LRRCC1: variants seen among roughly 807,000 people sequenced by gnomAD.
LRRCC1 encodes leucine-rich repeat and coiled-coil domain-containing protein 1.
LRRCC1 carries 115 observed loss-of-function variants against 126.0 expected under a neutral mutation model. The ratio of observed to expected loss-of-function variants is 0.91; its 90% confidence interval spans 0.78 to 1.07. The LOEUF is 1.07. Ranked by LOEUF, LRRCC1 falls within the 50% of genes least tolerant of loss-of-function variation. The pLI is 0.00. For missense variants in LRRCC1, 1,172 were observed against 1,175.7 expected, an observed-to-expected ratio of 1.00 and a Z score of 0.05; for synonymous variants, 400 against 393.4, an observed-to-expected ratio of 1.02 and a Z score of -0.20.
rs138875832 is a variant in LRRCC1 at position 85,120,981 on chromosome 8, T to G, written c.931-2432T>G. On this transcript the variant is annotated intron_variant, in intron 6 of 18. Coordinates refer to ENST00000360375, the MANE Select transcript of LRRCC1 (RefSeq NM_033402.5). ...GCTATATCCCCAGAAGTAGAATTGC[T>G]GGGTCATATGTTTAACCTTTGGAGC... Among the ~76,000 whole-genome samples the G allele has an allele frequency of 5.2e-3, 785 of 152,338 alleles. 9 individuals carry two copies. The highest frequency in any genetic ancestry group is 0.018 in the African/African-American group (743 of 41,582).
chr8:85,137,284 CA>C (rs1317814403), intron 14 of LRRCC1, among the ~76,000 whole-genome samples, 179 bp from the exon 15 acceptor site: 2 of 152,106 alleles, frequency 1.3e-5, no homozygotes, highest in East Asian at 3.8e-4. Context: ...TTGAAATAAC[CA>C]CAAGTGTTTA....
chr8:85,109,420 T>G (rs1808516667), intron 1 of LRRCC1, 175 bp from the exon 2 acceptor site: 1 of 571,382 alleles, frequency 1.8e-6, no homozygotes, highest in South Asian at 2.5e-5. Flanking sequence ...AATACTTGGT[T>G]GTGTTGTAAG....
chr8:85,134,445 G>C (rs1810713408), intron 12 of LRRCC1, among the ~76,000 whole-genome samples: 1 of 152,112 alleles, frequency 6.6e-6, no homozygotes, highest in Non-Finnish European at 1.5e-5. Context: ...AGCCTCCCAA[G>C]TAGCTGGGAT....
At chr8:85,113,809 G>A (rs912292433) in intron 4 of LRRCC1, among the ~76,000 whole-genome samples, 1 of 151,958 alleles carries the variant, frequency 6.6e-6, no homozygotes, top group Non-Finnish European at 1.5e-5. Context: ...TGCTATTTGA[G>A]CTAATTGGGA....
intron 6 of LRRCC1, among the ~76,000 whole-genome samples, chr8:85,116,928 G>C (rs1052320971): frequency 1.2e-4 from 18 of 152,176 alleles, no homozygotes; most frequent in African/African-American, 4.1e-4. Context: ...AGTAATAGAA[G>C]TGAGACAAGA....
In LRRCC1 at chr8:85,107,246, G is replaced by C. The variant is rs749284029; in HGVS notation, c.-50G>C. On this transcript the variant is annotated 5_prime_UTR_variant, in exon 1 of 19. Transcript: ENST00000360375. ...TCCGGGAGGCTTGTCCCAAGCTCAC[G>C]GACCCCTCGCTGGGTGCCGGTTAAG... 3.9e-6 allele frequency: 6 copies of C among 1,551,296 alleles called. No individual in the cohort carries two copies. The highest frequency in any genetic ancestry group is 2.3e-5 in the East Asian group (1 of 43,462).
chr8:85,113,533 C>T (rs1203303044), intron 4 of LRRCC1, among the ~76,000 whole-genome samples: 1 of 152,002 alleles, frequency 6.6e-6, no homozygotes, highest in Non-Finnish European at 1.5e-5. Flanking sequence ...CATACACAAA[C>T]ATTTACGTAC....
chr8:85,124,220 T>A (rs1809786031), intron 7 of LRRCC1, among the ~76,000 whole-genome samples: 4 of 152,224 alleles, frequency 2.6e-5, no homozygotes, highest in Admixed American at 2.6e-4. Context: ...AACTTTTGCC[T>A]CTGTAATTCT....
Position 85,135,907 on chromosome 8 carries a change from T to G in LRRCC1, c.2273T>G (p.Leu758Arg). ...TCTGAGCTAGCAGCCAAGGAATCACTAATATTTGGTTTAAGGACAGAAAGA... is the reference window on the plus strand; with the variant it reads ...TCTGAGCTAGCAGCCAAGGAATCACGAATATTTGGTTTAAGGACAGAAAGA... ...LISELAAKESLIFGLRTERKV... is the reference protein window; with the variant it reads ...LISELAAKESRIFGLRTERKV... The change falls in exon 14 of 19, where the codon CTA becomes CGA. Residue 758 changes from leucine (L) to arginine (R), a missense_variant. Leu to Arg is a moderately radical substitution (Grantham distance 102). Coordinates refer to ENST00000360375, the MANE Select transcript of LRRCC1 (RefSeq NM_033402.5). 5 of 1,607,354 alleles carry G rather than the reference T, an allele frequency of 3.1e-6. No individual in the cohort carries two copies. The highest frequency in any genetic ancestry group is 4.3e-6 in the Non-Finnish European group (5 of 1,176,428).
chr8:85,141,082 A>T (rs757828748), intron 17 of LRRCC1, among the ~76,000 whole-genome samples: 2 of 152,082 alleles, frequency 1.3e-5, no homozygotes, highest in Non-Finnish European at 2.9e-5. Context: ...AAAATAAAAA[A>T]CTATACTCCT....
intron 4 of LRRCC1, 45 bp from the exon 5 acceptor site, chr8:85,115,054 CT>C (rs768650424): frequency 2.1e-6 from 3 of 1,429,966 alleles, no homozygotes; most frequent in Non-Finnish European, 1.9e-6. Context: ...AAATAATTGA[CT>C]TTTTTTAATA....
At chr8:85,109,842 TG>T in intron 2 of LRRCC1, 42 bp downstream of exon 2, 2 of 1,063,756 alleles carry the variant, frequency 1.9e-6, no homozygotes, top group Non-Finnish European at 2.7e-6. Context: ...GTAAGGAAAA[TG>T]ATTTAGGTCC....
chr8:85,116,821 C>T (rs1321927062), intron 6 of LRRCC1, among the ~76,000 whole-genome samples: 1 of 152,074 alleles, frequency 6.6e-6, no homozygotes, highest in African/African-American at 2.4e-5. Context: ...GCTGGATAAA[C>T]AAGAGGTCTG....
At position 85,141,517 on chromosome 8, in the gene LRRCC1, G is replaced by A; in HGVS notation, c.2976G>A (p.Lys992=). ...AGTGTATTGATTCTGCAAATTTAAA[G>A]GTATTGTAAGTAAAATTCACTTCAA... is the stretch of plus-strand genomic sequence containing the variant. The part of the protein sequence containing the change: ...KQKCIDSANL[K]VHQIEKEMRE... The change falls in exon 18 of 19, where the codon AAG becomes AAA. Residue 992 remains lysine, a splice_region_variant and synonymous_variant. Coordinates refer to ENST00000360375, the MANE Select transcript of LRRCC1 (RefSeq NM_033402.5). 1.3e-6 allele frequency: 2 copies of A among 1,596,392 alleles called. No individual in the cohort carries two copies. The highest frequency in any genetic ancestry group is 8.6e-7 in the Non-Finnish European group (1 of 1,169,322).
chr8:85,107,432 C>A (rs1305036325), intron 1 of LRRCC1, 33 bp downstream of exon 1: 2 of 1,570,480 alleles, frequency 1.3e-6, no homozygotes, highest in Non-Finnish European at 1.7e-6. Flanking sequence ...GAGCGACCCG[C>A]GCACTCCCCA....
At position 85,113,102 on chromosome 8, in the gene LRRCC1, A is replaced by G; in HGVS notation, c.544+3A>G. 2 of 1,589,996 alleles carry G rather than the reference A, an allele frequency of 1.3e-6. No individual in the cohort carries two copies. Among genetic ancestry groups the G allele is most frequent in the African/African-American group, 1.4e-5 (1 of 73,490 alleles). ...TAATCCTGTCTGTCGACTGCCAGGT[A>G]TGAATAATTAATTTAATATTTTTTC... On this transcript the variant is annotated splice_donor_region_variant and intron_variant, in intron 4 of 18. Transcript: ENST00000360375.
chr8:85,123,667 T>C (rs1809747486), intron 7 of LRRCC1, 61 bp downstream of exon 7: 2 of 1,219,556 alleles, frequency 1.6e-6, no homozygotes, highest in Non-Finnish European at 2.3e-6. Flanking sequence ...GGCTTCTCTC[T>C]TGAAGCTATC....
Position 85,124,936 on chromosome 8 carries a change from C to T in LRRCC1, c.1269C>T (p.Tyr423=), listed in dbSNP as rs1052739676. 1.3e-6 allele frequency: 2 copies of T among 1,585,326 alleles called. No individual in the cohort carries two copies. The highest frequency in any genetic ancestry group is 2.7e-5 in the African/African-American group (2 of 73,162). ...AAAGTCACTCAGAAGACAACACTTA[C>T]CAGGTATGATTTAAGAGTTAAAGAA... is the stretch of plus-strand genomic sequence containing the variant. ...VDQSHSEDNT[Y]QSLVEQLDQE... The change falls in exon 8 of 19, where the codon TAC becomes TAT. Residue 423 remains tyrosine, a synonymous_variant. Coordinates refer to ENST00000360375, the MANE Select transcript of LRRCC1 (RefSeq NM_033402.5).
chr8:85,136,517 C>T (rs1355426920), intron 14 of LRRCC1, among the ~76,000 whole-genome samples: 1 of 151,540 alleles, frequency 6.6e-6, no homozygotes, highest in Non-Finnish European at 1.5e-5. Flanking sequence ...TCAGGTGATC[C>T]GCCCACCTTG....
Sources: allele counts gnomAD v4.1 joint callset (sites outside exome capture counted in the v4.1 genomes callset), GRCh38; gene constraint gnomAD v4.1.1; transcripts MANE v1.5; gene names NCBI Gene and HGNC (gene_info 2026-07-23, HGNC 2026-07-21).